Variants in HEMK2 observed in about 807,000 individuals in gnomAD.
The protein encoded by HEMK2 is HemK methyltransferase 2, ETF1 glutamine and histone H4 lysine, also known as methyltransferase HEMK2.
At chr21:28,806,971 T>C in the HEMK2 span, among the ~76,000 whole-genome samples, 1 of 152,088 alleles carries the variant, frequency 6.6e-6, no homozygotes, top group Non-Finnish European at 1.5e-5. Flanking sequence ...AGGAAACAAA[T>C]ATAGAGCCCT....
chr21:28,793,066 G>C, the HEMK2 span, among the ~76,000 whole-genome samples: 1 of 152,180 alleles, frequency 6.6e-6, no homozygotes, highest in East Asian at 1.9e-4. Context: ...TGTTCTCCTT[G>C]CATTTTATTT....
chr21:28,681,371 A>G, the HEMK2 span, among the ~76,000 whole-genome samples: 5 of 152,128 alleles, frequency 3.3e-5, no homozygotes, highest in Non-Finnish European at 5.9e-5. Flanking sequence ...TTCAAGGAGA[A>G]CTACAAACCA....
chr21:28,639,458 G>A, the HEMK2 span, among the ~76,000 whole-genome samples: 1 of 152,176 alleles, frequency 6.6e-6, no homozygotes, highest in East Asian at 1.9e-4. Context: ...AAGAAACAAG[G>A]TACACAGGAA....
chr21:28,624,830 T>G, the HEMK2 span, among the ~76,000 whole-genome samples: 1 of 152,248 alleles, frequency 6.6e-6, no homozygotes, highest in African/African-American at 2.4e-5. Context: ...TCACACTTAC[T>G]CATGATTCTG....
At chr21:28,852,052 C>T in the HEMK2 span, among the ~76,000 whole-genome samples, 1 of 152,226 alleles carries the variant, frequency 6.6e-6, no homozygotes, top group East Asian at 1.9e-4. Context: ...CAAGATCCAT[C>T]TGTCTTCTGT....
the HEMK2 span, among the ~76,000 whole-genome samples, chr21:28,689,118 G>A: frequency 7.7e-6 from 1 of 129,612 alleles, no homozygotes; most frequent in Non-Finnish European, 1.5e-5. Flanking sequence ...ATACCAAAAA[G>A]TAGTTATAAA....
the HEMK2 span, among the ~76,000 whole-genome samples, chr21:28,663,749 C>T: frequency 6.6e-6 from 1 of 152,202 alleles, no homozygotes; most frequent in Non-Finnish European, 1.5e-5. Flanking sequence ...CAGCCACTAC[C>T]ATGATCACTC....
At chr21:28,695,051 C>T in the HEMK2 span, among the ~76,000 whole-genome samples, 1 of 152,050 alleles carries the variant, frequency 6.6e-6, no homozygotes, top group African/African-American at 2.4e-5. Context: ...CTTTCTCCTC[C>T]TAGCTAGGCT....
At chr21:28,883,294 G>A in the HEMK2 span, among the ~76,000 whole-genome samples, 1 of 152,048 alleles carries the variant, frequency 6.6e-6, no homozygotes, top group Non-Finnish European at 1.5e-5. Context: ...GTCCATAAAA[G>A]TTATCTATTA....
chr21:28,840,608 A>T, the HEMK2 span, among the ~76,000 whole-genome samples: 1 of 152,086 alleles, frequency 6.6e-6, no homozygotes, highest in Non-Finnish European at 1.5e-5. Context: ...AAAATGCTCA[A>T]CATTAATGAT....
chr21:28,880,762 G>T, the HEMK2 span, among the ~76,000 whole-genome samples: 5 of 147,372 alleles, frequency 3.4e-5, no homozygotes, highest in African/African-American at 1.3e-4. Context: ...AAGAAAGAAA[G>T]AAATTTTTTA....
chr21:28,707,209 T>C, the HEMK2 span, among the ~76,000 whole-genome samples: 28 of 152,070 alleles, frequency 1.8e-4, no homozygotes, highest in African/African-American at 6.5e-4. Context: ...AATGAAAATT[T>C]ACTATATTTT....
At chr21:28,859,671 G>A in the HEMK2 span, among the ~76,000 whole-genome samples, 14 of 152,004 alleles carry the variant, frequency 9.2e-5, no homozygotes, top group Non-Finnish European at 1.5e-4. Context: ...ATAGTTATGG[G>A]GACCTCAGGT....
chr21:28,654,447 T>C, the HEMK2 span, among the ~76,000 whole-genome samples: 2 of 152,102 alleles, frequency 1.3e-5, no homozygotes, highest in Admixed American at 6.6e-5. Flanking sequence ...ACAAGTAGTA[T>C]CTTTTTTTGG....
the HEMK2 span, among the ~76,000 whole-genome samples, chr21:28,748,541 C>T: frequency 6.6e-6 from 1 of 152,092 alleles, no homozygotes; most frequent in Non-Finnish European, 1.5e-5. Context: ...CCTCAAGTTA[C>T]TTTTGAAGGA....
the HEMK2 span, among the ~76,000 whole-genome samples, chr21:28,793,319 C>T: frequency 2.6e-5 from 4 of 152,216 alleles, no homozygotes; most frequent in Non-Finnish European, 4.4e-5. Context: ...TGGGAAGTGG[C>T]TGGTCAATTT....
chr21:28,688,833 A>G, the HEMK2 span, among the ~76,000 whole-genome samples: 1 of 152,186 alleles, frequency 6.6e-6, no homozygotes, highest in African/African-American at 2.4e-5. Context: ...AGTAAAATAC[A>G]GAACACACAC....
At chr21:28,653,172 G>A in the HEMK2 span, among the ~76,000 whole-genome samples, 1 of 152,054 alleles carries the variant, frequency 6.6e-6, no homozygotes, top group East Asian at 1.9e-4. Context: ...TAACACCACT[G>A]GCTCATCCTT....
chr21:28,857,697 G>A, the HEMK2 span, among the ~76,000 whole-genome samples: 1 of 152,008 alleles, frequency 6.6e-6, no homozygotes, highest in Non-Finnish European at 1.5e-5. Context: ...CATTTGTTAT[G>A]TAAAATTAAT....
Sources: allele counts gnomAD v4.1 joint callset (sites outside exome capture counted in the v4.1 genomes callset), GRCh38; gene constraint gnomAD v4.1.1; transcripts MANE v1.5; gene names NCBI Gene and HGNC (gene_info 2026-07-23, HGNC 2026-07-21).